HTR3B: variants seen among roughly 807,000 people sequenced by gnomAD.
The protein encoded by HTR3B is 5-hydroxytryptamine receptor 3B.
Under a neutral mutation model 42.8 loss-of-function variants are expected in HTR3B, and 44 were observed. That is an observed-to-expected ratio of 1.03 (90% CI 0.81 to 1.32). The LOEUF is 1.32. HTR3B is among the 40% of genes most tolerant of loss of function. HTR3B has a pLI of 0.00. For missense variants in HTR3B, 527 were observed against 536.5 expected (o/e 0.98, Z 0.17); for synonymous variants, 203 against 209.0 (o/e 0.97, Z 0.25).
At chr11:113,902,292 T>G (rs775935292), upstream of HTR3B, among the ~76,000 whole-genome samples, 10 of 152,226 alleles carry the variant, frequency 6.6e-5, no homozygotes, top group Admixed American at 1.3e-4. Flanking sequence ...CTGTTTTTGT[T>G]TTTTGTTTTT....
At chr11:113,916,283 T>C (rs1028953217) in intron 2 of HTR3B, among the ~76,000 whole-genome samples, 1 of 152,356 alleles carries the variant, frequency 6.6e-6, no homozygotes, top group East Asian at 1.9e-4. Context: ...TCTTTGGTAA[T>C]ATGTCTGCTC....
chr11:113,939,542 C>T (rs889524969), intron 6 of HTR3B, among the ~76,000 whole-genome samples: 1 of 152,078 alleles, frequency 6.6e-6, no homozygotes, highest in Admixed American at 6.6e-5. Context: ...GATGATTTCT[C>T]GGGGAACACG....
At chr11:113,936,441 AT>A (rs1408658353) in intron 6 of HTR3B, among the ~76,000 whole-genome samples, 2 of 151,774 alleles carry the variant, frequency 1.3e-5, no homozygotes, top group Non-Finnish European at 2.9e-5. Context: ...TTCTGTTATA[AT>A]TTTTTTTCTA....
intron 2 of HTR3B, among the ~76,000 whole-genome samples, chr11:113,921,952 C>A (rs953649377): frequency 6.6e-6 from 1 of 151,960 alleles, no homozygotes; most frequent in Non-Finnish European, 1.5e-5. Flanking sequence ...ATATTCTGTC[C>A]CTCTAGTTTT....
At position 113,948,992 on chromosome 11, in the gene HTR3B, G is replaced by C. The variant is rs1050063856; in HGVS notation, c.*2855G>C. On this transcript the variant is annotated 3_prime_UTR_variant, in exon 9 of 9. Transcript: ENST00000260191. ...CATATGTAACAAACCTGCACGTTGT[G>C]CACATGTACCCTAAAACTTAAAGTA... is the stretch of plus-strand genomic sequence containing the variant. 6.6e-6 allele frequency among the ~76,000 whole-genome samples: 1 copy of C among 152,130 alleles called. No homozygotes were observed. Among genetic ancestry groups the C allele is most frequent in the African/African-American group, 2.4e-5 (1 of 41,420 alleles).
intron 2 of HTR3B, among the ~76,000 whole-genome samples, chr11:113,914,060 A>G (rs544042833): frequency 6.6e-6 from 1 of 151,582 alleles, no homozygotes; most frequent in Non-Finnish European, 1.5e-5. Context: ...TTTTTTTTAT[A>G]AATTACACAG....
At chr11:113,911,912 C>T (rs1371432052) in intron 2 of HTR3B, among the ~76,000 whole-genome samples, 1 of 152,144 alleles carries the variant, frequency 6.6e-6, no homozygotes, top group Non-Finnish European at 1.5e-5. Flanking sequence ...ATCCTCTTCA[C>T]CCACAGAGAC....
At chr11:113,931,171 G>A (rs1410053044) in intron 2 of HTR3B, among the ~76,000 whole-genome samples, 1 of 152,098 alleles carries the variant, frequency 6.6e-6, no homozygotes, top group Non-Finnish European at 1.5e-5. Context: ...GTGCCGTTTT[G>A]TCATAGATAA....
rs905464774 is a variant in HTR3B at position 113,948,051 on chromosome 11, T to A, written c.*1914T>A. Among the ~76,000 whole-genome samples the A allele has an allele frequency of 2.0e-5, 3 of 151,880 alleles. No homozygotes were observed. The highest frequency in any genetic ancestry group is 7.3e-5 in the African/African-American group (3 of 41,302). ...CCTGCATCTTCCCTCTCTCATTACC[T>A]CCCAGTTAGTGCTCAGCGCCAATTG... On this transcript the variant is annotated 3_prime_UTR_variant, in exon 9 of 9. Transcript: ENST00000260191.
Position 113,933,079 on chromosome 11 carries a change from C to T in HTR3B, c.682C>T (p.Gln228Ter). 1 of 1,613,882 alleles carries T rather than the reference C, an allele frequency of 6.2e-7. No homozygotes were observed. Among genetic ancestry groups the T allele is most frequent in the Middle Eastern group, 1.7e-4 (1 of 6,056 alleles). ...GCAGAGCAGCGCTGGAGGATTTGCA[C>T]AGATTCAGTTTAATGTAGGTTCTTT... ...ILQSSAGGFA[Q>*]IQFNVVMRRH... The change falls in exon 6 of 9, where the codon CAG becomes TAG. Residue 228 changes from glutamine to a stop codon, truncating the protein, a stop_gained. Transcript: ENST00000260191. LOFTEE classifies it high-confidence loss of function.
chr11:113,911,608 C>A (rs888963441), intron 2 of HTR3B, among the ~76,000 whole-genome samples: 13 of 151,914 alleles, frequency 8.6e-5, no homozygotes, highest in African/African-American at 9.7e-5. Context: ...CTCACTGCAA[C>A]CTCCGCCTCC....
intron 2 of HTR3B, among the ~76,000 whole-genome samples, chr11:113,918,268 C>CAT (rs1555108081): frequency 1.4e-5 from 2 of 146,870 alleles, no homozygotes; most frequent in Non-Finnish European, 3.0e-5. Context: ...TGTGTGTACT[C>CAT]GTGTGTGTGT....
chr11:113,938,055 A>T (rs1321542476), intron 6 of HTR3B, among the ~76,000 whole-genome samples: 2 of 151,956 alleles, frequency 1.3e-5, no homozygotes, highest in African/African-American at 2.4e-5. Flanking sequence ...CCATCTTCAC[A>T]TGGCCTTCTC....
chr11:113,926,533 C>CTTTCCT (rs1565561770), intron 2 of HTR3B, among the ~76,000 whole-genome samples: 1 of 100,394 alleles, frequency 1.0e-5, no homozygotes, highest in Non-Finnish European at 2.2e-5. Context: ...CTTTCCTTTC[C>CTTTCCT]TTTTTTTCTT....
rs1462459172 is a variant in HTR3B, at chr11:113,947,235, C to G, written c.*1098C>G. 6.6e-6 allele frequency among the ~76,000 whole-genome samples: 1 copy of G among 152,026 alleles called. No individual in the cohort carries two copies. Among genetic ancestry groups the G allele is most frequent in the Non-Finnish European group, 1.5e-5 (1 of 68,030 alleles). On this transcript the variant is annotated 3_prime_UTR_variant, in exon 9 of 9. Transcript: ENST00000260191. ...TCCCCTGCCTCAGCCTCCCGAGTAG[C>G]TGGAACTACAGGTGCATGCCACCAC...
chr11:113,931,595 T>C (rs1213916733), intron 3 of HTR3B, among the ~76,000 whole-genome samples, 163 bp from the exon 4 acceptor site: 1 of 152,358 alleles, frequency 6.6e-6, no homozygotes, highest in East Asian at 1.9e-4. Context: ...TGGTTTCTGG[T>C]TGGGACTACC....
At chr11:113,945,146 C>A (rs1950166780) in intron 8 of HTR3B, among the ~76,000 whole-genome samples, 1 of 151,868 alleles carries the variant, frequency 6.6e-6, no homozygotes, top group African/African-American at 2.4e-5. Flanking sequence ...CTCAGTTACT[C>A]TTTGTTTTGA....
At chr11:113,909,730 C>T (rs1949767715) in intron 2 of HTR3B, among the ~76,000 whole-genome samples, 1 of 152,016 alleles carries the variant, frequency 6.6e-6, no homozygotes, top group African/African-American at 2.4e-5. Context: ...TGCCTGTAAT[C>T]CTAGCACATT....
upstream of HTR3B, among the ~76,000 whole-genome samples, chr11:113,901,323 C>T (rs1268943666): frequency 2.0e-5 from 3 of 151,950 alleles, no homozygotes; most frequent in East Asian, 5.8e-4. Flanking sequence ...CACACATATA[C>T]TCCCAGCTAT....
Sources: gnomAD v4.1 joint callset for allele counts (sites outside exome capture counted in the v4.1 genomes callset) on GRCh38, gnomAD v4.1.1 for gene constraint, MANE v1.5 for transcripts, NCBI Gene and HGNC (gene_info 2026-07-23, HGNC 2026-07-21) for gene names.